Variants in FBXO31 observed in about 807,000 individuals in gnomAD.
FBXO31 encodes F-box only protein 31.
Under a neutral mutation model 54.4 loss-of-function variants are expected in FBXO31, and 24 were observed. The observed-to-expected ratio is 0.44, with a 90% CI of 0.32 to 0.62. The LOEUF (loss-of-function observed/expected upper bound fraction) is 0.62. FBXO31 is among the 20% of genes least tolerant of loss of function. The pLI, the probability that FBXO31 is intolerant of heterozygous loss-of-function variation, is 0.05. For missense variants in FBXO31, 665 were observed against 787.1 expected, an observed-to-expected ratio of 0.84 and a Z score of 1.86; for synonymous variants, 388 against 335.6, an observed-to-expected ratio of 1.16 and a Z score of -1.71.
chr16:87,390,743 G>T (rs1194302227), upstream of FBXO31, among the ~76,000 whole-genome samples: 1 of 152,056 alleles, frequency 6.6e-6, no homozygotes, highest in African/African-American at 2.4e-5. Flanking sequence ...CCTGGCGCGA[G>T]AAATATATTT....
Position 87,358,468 on chromosome 16 carries a change from AACGTCCCG to A in FBXO31, c.412+1819_412+1826del, listed in dbSNP as rs1905994830. 6.5e-6 allele frequency: 1 copy of A among 152,672 alleles called. No homozygotes were observed. Among genetic ancestry groups the A allele is most frequent in the African/African-American group, 2.4e-5 (1 of 41,464 alleles). The allele number at this position is 152,672 out of a possible 1,614,324, so 9.5% of individuals were successfully genotyped here. ...TCATAATCAGGGAGAATTTTCACAA[AACGTCCCG>A]ACTTCACGCGAGGGTTTATACCTGA... On this transcript the variant is annotated intron_variant, in intron 2 of 8. Coordinates refer to ENST00000311635, the MANE Select transcript of FBXO31 (RefSeq NM_024735.5). This position sits in a 1 kb window ranked among gnomAD's most constrained non-coding sequence, Gnocchi z 4.0.
upstream of FBXO31, among the ~76,000 whole-genome samples, chr16:87,387,050 A>G (rs146393895): frequency 9.6e-4 from 146 of 152,208 alleles, no homozygotes; most frequent in Middle Eastern, 3.4e-3. Context: ...CAGAATCCCA[A>G]CACTTTGGGA....
chr16:87,369,443 G>A (rs1294510113), intron 1 of FBXO31, among the ~76,000 whole-genome samples: 1 of 152,150 alleles, frequency 6.6e-6, no homozygotes, highest in Non-Finnish European at 1.5e-5. Context: ...TGCCGTACTT[G>A]TCCTTTGGTG....
In FBXO31 at chr16:87,338,645, G is replaced by A. The variant is rs1905103129; in HGVS notation, c.733-2381C>T. Among the ~76,000 whole-genome samples, 1 of 152,162 alleles carries A rather than the reference G, an allele frequency of 6.6e-6. No individual in the cohort carries two copies. The highest frequency in any genetic ancestry group is 2.4e-5 in the African/African-American group (1 of 41,432). On this transcript the variant is annotated intron_variant, in intron 5 of 8. Coordinates refer to ENST00000311635, the MANE Select transcript of FBXO31 (RefSeq NM_024735.5). This position sits in a 1 kb window ranked among gnomAD's most constrained non-coding sequence, Gnocchi z 4.3. The stretch of plus-strand genomic sequence containing the variant: ...ATCATCAGATCATGCCAGTGACGCA[G>A]CCTGGGTACAAGGAATGGCCTCCCG...
rs908237174 is a variant in FBXO31, at chr16:87,343,526, C to A, written c.657+72G>T. ...CCCAGGTCTGCAGCTGAGAATAGCA[C>A]GGCAGGCCTGGCTGGAGCCCACACA... On this transcript the variant is annotated intron_variant, in intron 4 of 8. Coordinates refer to ENST00000311635, the MANE Select transcript of FBXO31 (RefSeq NM_024735.5). 3.3e-5 allele frequency: 50 copies of A among 1,518,176 alleles called. No homozygotes were observed. The South Asian group carries it at 5.2e-4, about 16-fold the overall frequency. 94.0% of individuals were successfully genotyped at this position (1,518,176 alleles called of 1,614,324 possible).
chr16:87,385,377 G>C (rs1334835749), upstream of FBXO31, among the ~76,000 whole-genome samples: 1 of 151,448 alleles, frequency 6.6e-6, no homozygotes, highest in Non-Finnish European at 1.5e-5. Context: ...AGAATGGTGT[G>C]AACCCGGGAG....
At chr16:87,347,979 G>A (rs1221945069) in intron 2 of FBXO31, among the ~76,000 whole-genome samples, 4 of 152,162 alleles carry the variant, frequency 2.6e-5, no homozygotes, top group Non-Finnish European at 4.4e-5. Flanking sequence ...TCTCCATCCC[G>A]TTCCTTGCCA....
chr16:87,343,849 G>A (rs2303764), intron 3 of FBXO31, 84 bp from the exon 4 acceptor site: 2 of 1,468,278 alleles, frequency 1.4e-6, no homozygotes, highest in Non-Finnish European at 1.9e-6. Context: ...GCACTGCAAT[G>A]GCACAGAGAA....
chr16:87,347,335 C>A, intron 2 of FBXO31, 85 bp from the exon 3 acceptor site: 1 of 1,132,864 alleles, frequency 8.8e-7, no homozygotes. Context: ...GAGGAAGGAA[C>A]CATGAGGACT....
intron 5 of FBXO31, among the ~76,000 whole-genome samples, chr16:87,337,631 C>T (rs931789055): frequency 6.6e-6 from 1 of 152,158 alleles, no homozygotes; most frequent in Non-Finnish European, 1.5e-5. Flanking sequence ...GACCCAGCTG[C>T]CTGATTGCAG....
At chr16:87,381,621 G>A (rs561442747) in intron 1 of FBXO31, among the ~76,000 whole-genome samples, 98 of 152,204 alleles carry the variant, frequency 6.4e-4, no homozygotes, top group Non-Finnish European at 1.2e-3. Context: ...CTTGGAGAAA[G>A]GGTTCTTCTC....
intron 2 of FBXO31, among the ~76,000 whole-genome samples, chr16:87,352,893 G>T (rs562730157): frequency 6.6e-6 from 1 of 152,332 alleles, no homozygotes; most frequent in African/African-American, 2.4e-5. Context: ...CGGCACATCT[G>T]GGTTCTGGTG....
chr16:87,383,364 A>ACC lies in FBXO31; in HGVS notation c.340+39_340+40dup. ...GCTCCGAGGCCTCCACCTGGCAGGG[A>ACC]CCCCCCGCCCCTCCCGGCCCCGCCA... On this transcript the variant is annotated intron_variant, in intron 1 of 8. Coordinates refer to ENST00000311635, the MANE Select transcript of FBXO31 (RefSeq NM_024735.5). The surrounding 1 kb of genome is among the most constrained non-coding windows in gnomAD (Gnocchi z 4.9). The ACC allele has an allele frequency of 2.1e-5, 28 of 1,329,438 alleles. No homozygotes were observed. The highest frequency in any genetic ancestry group is 2.7e-5 in the Non-Finnish European group (26 of 975,768). The allele number at this position is 1,329,438 out of a possible 1,614,324, so 82.4% of individuals were successfully genotyped here.
Position 87,346,285 on chromosome 16 carries a change from C to A in FBXO31, c.489+889G>T, listed in dbSNP as rs1905383446. Among the ~76,000 whole-genome samples, 1 of 151,840 alleles carries A rather than the reference C, an allele frequency of 6.6e-6. No homozygotes were observed. The highest frequency in any genetic ancestry group is 2.4e-5 in the African/African-American group (1 of 41,312). On this transcript the variant is annotated intron_variant, in intron 3 of 8. Transcript: ENST00000311635. This position sits in a 1 kb window ranked among gnomAD's most constrained non-coding sequence, Gnocchi z 4.2. ...GCCAGGGCCTCTTGAGGAGACCAGGCCACGGCACCCAGCAAGTGCCCAGGC... is the reference window on the plus strand; with the variant it reads ...GCCAGGGCCTCTTGAGGAGACCAGGACACGGCACCCAGCAAGTGCCCAGGC...
chr16:87,381,277 CATCTT>C (rs1907065464), intron 1 of FBXO31, among the ~76,000 whole-genome samples: 1 of 152,082 alleles, frequency 6.6e-6, no homozygotes, highest in South Asian at 2.1e-4. Context: ...CAAAAATAGA[CATCTT>C]AAGAGAAAAA....
At chr16:87,357,243 CAAA>C (rs1287175650) in intron 2 of FBXO31, among the ~76,000 whole-genome samples, 1 of 128,146 alleles carries the variant, frequency 7.8e-6, no homozygotes, top group East Asian at 2.2e-4. Flanking sequence ...GACCCTGTCT[CAAA>C]AAAAAAAAGT....
chr16:87,388,560 G>C (rs370423144), upstream of FBXO31: 1 of 152,214 alleles, frequency 6.6e-6, no homozygotes, highest in Non-Finnish European at 1.5e-5. Context: ...AATTCTCCGC[G>C]TGACTTGCCG....
chr16:87,364,040 G>A (rs557922925), intron 1 of FBXO31, among the ~76,000 whole-genome samples: 226 of 152,266 alleles, frequency 1.5e-3, no homozygotes, highest in Admixed American at 4.4e-3. Flanking sequence ...TGAGAGCTGC[G>A]GCCGCAGGCT....
intron 1 of FBXO31, among the ~76,000 whole-genome samples, chr16:87,365,746 G>C (rs1455376953): frequency 2.0e-5 from 3 of 152,212 alleles, no homozygotes; most frequent in East Asian, 1.9e-4. Flanking sequence ...AAAACGCTGG[G>C]TGTAGGCCGG....
Sources: gnomAD v4.1 joint callset for allele counts (sites outside exome capture counted in the v4.1 genomes callset) on GRCh38, gnomAD v4.1.1 for gene constraint, Gnocchi (gnomAD v3.1) non-coding constraint, MANE v1.5 for transcripts, NCBI Gene and HGNC (gene_info 2026-07-23, HGNC 2026-07-21) for gene names.